Variants in SRRM2 observed in about 807,000 individuals in gnomAD.
SRRM2 encodes serine/arginine repetitive matrix protein 2.
Under a neutral mutation model 213.8 loss-of-function variants are expected in SRRM2, and 30 were observed. The observed-to-expected ratio is 0.14, with a 90% CI of 0.10 to 0.19. The LOEUF (loss-of-function observed/expected upper bound fraction) is 0.19, where lower values mean the gene tolerates loss of function less well. Among genes scored for constraint, SRRM2 ranks in the 10% least tolerant of loss-of-function variants. SRRM2 has a pLI of 1.00. For missense variants in SRRM2, 4,904 were observed against 3,647.0 expected (o/e 1.34, Z -8.88); for synonymous variants, 2,025 against 1,377.7 (o/e 1.47, Z -10.40).
At position 2,759,415 on chromosome 16, in the gene SRRM2, G is replaced by C. The variant is rs1277834200; in HGVS notation, c.740+13G>C. 6.3e-7 allele frequency: 1 copy of C among 1,593,832 alleles called. No homozygotes were observed. The highest frequency in any genetic ancestry group is 1.1e-5 in the South Asian group (1 of 87,078). ...AAAAGCGAAAGCGGTGAGTGAATTT[G>C]TGGGGAATTTGCTTAGGAAGTAAGT... On this transcript the variant is annotated intron_variant, in intron 8 of 14. Transcript: ENST00000301740.
In SRRM2 at chr16:2,760,387, A is replaced by T; in HGVS notation, c.920A>T (p.Asp307Val). The T allele has an allele frequency of 6.2e-7, 1 of 1,614,070 alleles. No homozygotes were observed. Among genetic ancestry groups the T allele is most frequent in the Non-Finnish European group, 8.5e-7 (1 of 1,180,020 alleles). The change falls in exon 10 of 15, where the codon GAT (aspartate) becomes GTT (valine). Residue 307 changes from aspartate (D) to valine (V), a missense_variant. Asp to Val is a radical substitution (Grantham distance 152). Transcript: ENST00000301740. ...GCTTCAGGGCGACGCGGGGAGGGAG[A>T]TGCGCCTTTCAGTGAACCAGGTACT... is the stretch of plus-strand genomic sequence containing the variant. ...SPASGRRGEG[D>V]APFSEPGTTS...
At chr16:2,758,081 A>C (rs751192795) in intron 4 of SRRM2, 136 bp downstream of exon 4, 3 of 1,119,108 alleles carry the variant, frequency 2.7e-6, no homozygotes, top group Non-Finnish European at 3.8e-6. Context: ...TGTCCAAAAA[A>C]ATGTGTCCAA....
intron 1 of SRRM2, among the ~76,000 whole-genome samples, chr16:2,755,051 C>T (rs772501192): frequency 2.0e-5 from 3 of 152,212 alleles, no homozygotes; most frequent in South Asian, 2.1e-4. Flanking sequence ...TGATTACTCT[C>T]TCCGCTTTAC....
chr16:2,764,811 A>G lies in SRRM2; in HGVS notation c.4283A>G (p.Lys1428Arg). Residue 1428 changes from lysine to arginine, a missense_variant, in exon 11 of 15, where the codon AAA becomes AGA. Coordinates refer to ENST00000301740, the MANE Select transcript of SRRM2 (RefSeq NM_016333.4). Reference protein sequence around the residue: ...RSSSASSPEMKDGLPRTPSRR... With the variant: ...RSSSASSPEMRDGLPRTPSRR... ...AGTTCTGCATCTTCTCCTGAAATGA[A>G]AGATGGTTTACCCAGAACTCCATCA... 6.2e-7 allele frequency: 1 copy of G among 1,614,148 alleles called. No homozygotes were observed. Among genetic ancestry groups the G allele is most frequent in the Non-Finnish European group, 8.5e-7 (1 of 1,180,022 alleles).
chr16:2,759,912 G>C (rs1036708240), intron 9 of SRRM2: 1 of 547,188 alleles, frequency 1.8e-6, no homozygotes, highest in Non-Finnish European at 3.2e-6. Context: ...CCAGAATAGG[G>C]GGGGTGGTGG....
In SRRM2 at chr16:2,769,167, C is replaced by A. The variant is rs141137959; in HGVS notation, c.7904C>A (p.Ser2635Tyr). The A allele has an allele frequency of 4.8e-5, 78 of 1,612,384 alleles. No individual in the cohort carries two copies. Among genetic ancestry groups the A allele is most frequent in the Non-Finnish European group, 5.5e-5 (65 of 1,178,922 alleles). Reference sequence around the variant, plus strand: ...TCTTCCTCCTCCTCTTCCTCTTCTTCTTCTTCCTCCTCATCTTCCTCCTCC... The same window carrying A: ...TCTTCCTCCTCCTCTTCCTCTTCTTATTCTTCCTCCTCATCTTCCTCCTCC... ...SSSSSSSSSS[S>Y]SSSSSSSSSS... Residue 2635 changes from serine to tyrosine, a missense_variant, in exon 12 of 15, where the codon TCT becomes TAT. Coordinates refer to ENST00000301740, the MANE Select transcript of SRRM2 (RefSeq NM_016333.4).
In SRRM2 at chr16:2,765,596, A is replaced by C. The variant is rs751727194; in HGVS notation, c.5068A>C (p.Ser1690Arg). The C allele has an allele frequency of 2.5e-6, 4 of 1,614,010 alleles. No individual in the cohort carries two copies. Among genetic ancestry groups the C allele is most frequent in the Non-Finnish European group, 3.4e-6 (4 of 1,180,026 alleles). ...GTCTCGTACACCACCTCGACGTCGC[A>C]GCTCTCGATCATCTCCGGAGCTAAC... The part of the protein sequence containing the change: ...TKSRTPPRRR[S>R]SRSSPELTRK... The change falls in exon 11 of 15, where the codon AGC becomes CGC. Residue 1690 changes from serine (S) to arginine (R), a missense_variant. Coordinates refer to ENST00000301740, the MANE Select transcript of SRRM2 (RefSeq NM_016333.4).
In SRRM2 at chr16:2,756,423, AGCG is replaced by A; in HGVS notation, c.60_62del (p.Gln20_Arg21delinsHis). On this transcript the variant is annotated inframe_deletion, in exon 2 of 15. Coordinates refer to ENST00000301740, the MANE Select transcript of SRRM2 (RefSeq NM_016333.4). The stretch of plus-strand genomic sequence containing the variant: ...GGCAGCGGCACCAACGGCTACGTCC[AGCG>A]CAACCTGTCCCTGGTGCGGGGCCGC... The A allele has an allele frequency of 6.2e-7, 1 of 1,612,102 alleles. No homozygotes were observed. Among genetic ancestry groups the A allele is most frequent in the Non-Finnish European group, 8.5e-7 (1 of 1,179,298 alleles).
chr16:2,768,732 C>T (rs1232294142), intron 11 of SRRM2: 1 of 726,754 alleles, frequency 1.4e-6, no homozygotes, highest in Non-Finnish European at 2.4e-6. Flanking sequence ...CACCTGAGCC[C>T]AGAGGCCTTA....
rs1485962086 is a variant in SRRM2, at chr16:2,752,790, C to T, written c.-88C>T. 1.7e-5 allele frequency: 6 copies of T among 344,410 alleles called. No individual in the cohort carries two copies. Among genetic ancestry groups the T allele is most frequent in the African/African-American group, 4.5e-5 (2 of 44,210 alleles). 21.3% of individuals were successfully genotyped at this position (344,410 alleles called of 1,614,324 possible). ...CCCAGGCCCGAGGGACTCGGGAGCT[C>T]GAGCAGCGGCGGCGGCAAGACCTCT... On this transcript the variant is annotated 5_prime_UTR_variant, in exon 1 of 15. Transcript: ENST00000301740.
rs766657898 is a variant in SRRM2 at position 2,770,723 on chromosome 16, T to A, written c.8249+6T>A. 8 of 1,571,680 alleles carry A rather than the reference T, an allele frequency of 5.1e-6. No homozygotes were observed. The highest frequency in any genetic ancestry group is 1.9e-5 in the Admixed American group (1 of 53,818). Reference sequence around the variant, plus strand: ...ATGAGACACCGCTCCTCCAGGTGCGTGTCCTGGAAGGCTGATGCCCCCTTC... The same window carrying A: ...ATGAGACACCGCTCCTCCAGGTGCGAGTCCTGGAAGGCTGATGCCCCCTTC... On this transcript the variant is annotated splice_donor_region_variant and intron_variant, in intron 14 of 14. Coordinates refer to ENST00000301740, the MANE Select transcript of SRRM2 (RefSeq NM_016333.4).
At position 2,764,489 on chromosome 16, in the gene SRRM2, C is replaced by G. The variant is rs1169597813; in HGVS notation, c.3961C>G (p.Pro1321Ala). The change falls in exon 11 of 15, where the codon CCA (proline) becomes GCA (alanine). Residue 1321 changes from proline to alanine, a missense_variant. By Grantham distance (27) the Pro-to-Ala change is conservative. Transcript: ENST00000301740. ...SPEHKELSNS[P>A]LRENSFGSPL... ...AGAACATAAAGAACTGTCTAACTCC[C>G]CACTCAGGGAGAACAGCTTTGGATC... The G allele has an allele frequency of 1.9e-6, 3 of 1,613,988 alleles. No individual in the cohort carries two copies. The highest frequency in any genetic ancestry group is 2.5e-6 in the Non-Finnish European group (3 of 1,180,028).
chr16:2,752,739 G>T lies in SRRM2; in HGVS notation c.-139G>T. The T allele has an allele frequency of 2.8e-6, 1 of 352,566 alleles. No individual in the cohort carries two copies. Among genetic ancestry groups the T allele is most frequent in the Non-Finnish European group, 5.6e-6 (1 of 177,224 alleles). 21.8% of individuals were successfully genotyped at this position (352,566 alleles called of 1,614,324 possible). ...GAGGCGTCGGCGTCGGCTGAGGCGG[G>T]CGGACCGGCGAGGCGAGGCGGCGGC... On this transcript the variant is annotated 5_prime_UTR_variant, in exon 1 of 15. Transcript: ENST00000301740.
At position 2,770,676 on chromosome 16, in the gene SRRM2, GGAGACACCTAGCCCTCGGCCCAT is replaced by G; in HGVS notation, c.8217_8239del (p.Ser2740LeufsTer41). 6.4e-7 allele frequency: 1 copy of G among 1,556,052 alleles called. No homozygotes were observed. ...GCTCCCCCAGCCACAAGCGCAGGAG[GGAGACACCTAGCCCTCGGCCCAT>G]GAGACACCGCTCCTCCAGGTGCGTG... On this transcript the variant is annotated frameshift_variant, in exon 14 of 15. Coordinates refer to ENST00000301740, the MANE Select transcript of SRRM2 (RefSeq NM_016333.4). LOFTEE classifies it high-confidence loss of function.
In SRRM2 at chr16:2,771,097, G is replaced by GGGGGGGA; in HGVS notation, c.*230_*231insGGGGGGA. 18 of 336,604 alleles carry GGGGGGGA rather than the reference G, an allele frequency of 5.3e-5. No individual in the cohort carries two copies. Among genetic ancestry groups the GGGGGGGA allele is most frequent in the East Asian group, 8.0e-5 (1 of 12,574 alleles). The allele number at this position is 336,604 out of a possible 1,614,324, so 20.9% of individuals were successfully genotyped here. A position where few individuals can be genotyped will look rare whatever the true frequency, so the allele number is the denominator to read the frequency against. ...GTTCTGGGGGGTTTGGGGTGGGAGG[G>GGGGGGGA]AATGCAGATGGGAGTTGGGGGAGGG... is the stretch of plus-strand genomic sequence containing the variant. On this transcript the variant is annotated 3_prime_UTR_variant, in exon 15 of 15. Transcript: ENST00000301740.
At chr16:2,757,164 G>C (rs1052596069) in intron 2 of SRRM2, among the ~76,000 whole-genome samples, 2 of 152,150 alleles carry the variant, frequency 1.3e-5, no homozygotes, top group African/African-American at 4.8e-5. Flanking sequence ...CCTTACTTTG[G>C]AATCCCAGGA....
chr16:2,757,677 C>G (rs750544437), intron 3 of SRRM2, 98 bp downstream of exon 3: 6 of 1,579,314 alleles, frequency 3.8e-6, no homozygotes, highest in Admixed American at 3.6e-5. Context: ...TCCCTGCTTT[C>G]GTCTGCCTTT....
At position 2,752,691 on chromosome 16, in the gene SRRM2, G is replaced by T. The variant is rs1173717282; in HGVS notation, c.-187G>T. The T allele has an allele frequency of 6.2e-6, 2 of 322,502 alleles. No individual in the cohort carries two copies. The highest frequency in any genetic ancestry group is 1.2e-5 in the Non-Finnish European group (2 of 162,996). 20.0% of individuals were successfully genotyped at this position (322,502 alleles called of 1,614,324 possible). On this transcript the variant is annotated 5_prime_UTR_variant, in exon 1 of 15. Coordinates refer to ENST00000301740, the MANE Select transcript of SRRM2 (RefSeq NM_016333.4). ...GGTGCGAGTGGCGCAGTTGGAGCCC[G>T]TTGCGGCCCCTGAGGAAGCGAGGAG...
At position 2,769,233 on chromosome 16, in the gene SRRM2, A is replaced by G. The variant is rs765683929; in HGVS notation, c.7970A>G (p.Gln2657Arg). Reference protein sequence around the residue: ...SSPSPAKPGPQALPKPASPKK... With the variant: ...SSPSPAKPGPRALPKPASPKK... ...CCTTCCCCTGCTAAGCCTGGCCCTC[A>G]GGCCTTGCCCAAACCTGCAAGCCCC... Residue 2657 changes from glutamine (Q) to arginine (R), a missense_variant, in exon 12 of 15, where the codon CAG becomes CGG. Gln to Arg is a conservative substitution (Grantham distance 43). Coordinates refer to ENST00000301740, the MANE Select transcript of SRRM2 (RefSeq NM_016333.4). 1 of 1,588,080 alleles carries G rather than the reference A, an allele frequency of 6.3e-7. No individual in the cohort carries two copies. The highest frequency in any genetic ancestry group is 2.2e-5 in the East Asian group (1 of 44,724).
Sources: allele counts gnomAD v4.1 joint callset (sites outside exome capture counted in the v4.1 genomes callset), GRCh38; gene constraint gnomAD v4.1.1; transcripts MANE v1.5; gene names NCBI Gene and HGNC (gene_info 2026-07-23, HGNC 2026-07-21).